Variants in GABPB1 observed in about 807,000 individuals in gnomAD.
GABPB1 encodes GA-binding protein subunit beta-1.
GABPB1 carries 15 observed loss-of-function variants against 45.9 expected under a neutral mutation model. That is an observed-to-expected ratio of 0.33 (90% CI 0.22 to 0.50). The LOEUF is 0.50. GABPB1 is among the 20% of genes least tolerant of loss of function. The probability of loss-of-function intolerance (pLI) is 0.98; values close to 1 mark genes in which losing one functional copy is unlikely to be tolerated. For missense variants in GABPB1, 252 were observed against 457.5 expected (o/e 0.55, Z 4.10); for synonymous variants, 143 against 154.4 (o/e 0.93, Z 0.55).
Position 50,286,169 on chromosome 15 carries a change from C to T in GABPB1, c.898G>A (p.Ala300Thr). The T allele has an allele frequency of 1.3e-6, 2 of 1,583,690 alleles. No individual in the cohort carries two copies. The highest frequency in any genetic ancestry group is 1.2e-5 in the South Asian group (1 of 86,294). ...PDGQQVLTVP[A>T]TDIAEETVIS... ...ACAGTTTCTTCAGCAATGTCTGTTGCTGGTACTGTTAATACTAAAATGAAA... is the reference window on the plus strand; with the variant it reads ...ACAGTTTCTTCAGCAATGTCTGTTGTTGGTACTGTTAATACTAAAATGAAA... Residue 300 changes from alanine (A) to threonine (T), a missense_variant, in exon 8 of 9, where the codon GCA becomes ACA. Around this residue, in one of 4 missense-constraint regions of GABPB1, gnomAD observed 193 missense variants for 259.9 expected, o/e 0.74. Transcript: ENST00000380877.
rs954545518 is a variant in GABPB1 at position 50,340,183 on chromosome 15, T to C, written c.-1+14802A>G. On this transcript the variant is annotated intron_variant, in intron 1 of 8. Transcript: ENST00000380877. ...GTGGCTCCATCTATAAAGCAGGAAA[T>C]GGGCCCTCACCAGCCATGGAATCTG... Among the ~76,000 whole-genome samples the C allele has an allele frequency of 3.9e-5, 6 of 152,144 alleles. No homozygotes were observed. The East Asian group carries it at 7.7e-4, about 20-fold the overall frequency.
chr15:50,296,819 G>T (rs1367778127), intron 6 of GABPB1, among the ~76,000 whole-genome samples: 1 of 151,960 alleles, frequency 6.6e-6, no homozygotes, highest in African/African-American at 2.4e-5. Flanking sequence ...AATAATCTGT[G>T]GTAGATTTAG....
chr15:50,305,115 T>C (rs988345414), intron 2 of GABPB1, among the ~76,000 whole-genome samples: 1 of 152,190 alleles, frequency 6.6e-6, no homozygotes, highest in Non-Finnish European at 1.5e-5. Context: ...TTCTATCACA[T>C]GCATTTAAAG....
rs1306862235 is a variant in GABPB1, at chr15:50,352,936, CAG to C, written c.-1+2047_-1+2048del. On this transcript the variant is annotated intron_variant, in intron 1 of 8. Coordinates refer to ENST00000380877, the MANE Select transcript of GABPB1 (RefSeq NM_016654.5). The stretch of plus-strand genomic sequence containing the variant: ...CCAACCTAGAAAACCCAGAATGATT[CAG>C]AGAGACAAAGAACTCTAAGGATATG... 20 of 152,154 alleles carry C rather than the reference CAG, an allele frequency of 1.3e-4. 1 individual carries two copies. Among genetic ancestry groups the C allele is most frequent in the Admixed American group, 7.8e-4 (12 of 15,288 alleles). 9.4% of individuals were successfully genotyped at this position (152,154 alleles called of 1,614,324 possible).
rs1247505301 is a variant in GABPB1, at chr15:50,282,285, A to T, written c.1000-3501T>A. 3 of 455,076 alleles carry T rather than the reference A, an allele frequency of 6.6e-6. No homozygotes were observed. The East Asian group carries it at 2.1e-4, about 32-fold the overall frequency. The allele number at this position is 455,076 out of a possible 1,614,324, so 28.2% of individuals were successfully genotyped here. A position where few individuals can be genotyped will look rare whatever the true frequency, so the allele number is the denominator to read the frequency against. ...GAGAGAGAAGAGATATGACCTGGATATGGTGACTTATGCCAGTAATCTCAA... is the reference window on the plus strand; with the variant it reads ...GAGAGAGAAGAGATATGACCTGGATTTGGTGACTTATGCCAGTAATCTCAA... On this transcript the variant is annotated intron_variant, in intron 8 of 8. Transcript: ENST00000380877.
chr15:50,289,362 TACC>T (rs1269436564), intron 7 of GABPB1, 118 bp downstream of exon 7: 5 of 647,794 alleles, frequency 7.7e-6, no homozygotes, highest in Non-Finnish European at 1.3e-5. Flanking sequence ...TTGGAACACA[TACC>T]ACAATTTCCT....
Position 50,312,517 on chromosome 15 carries a change from A to G in GABPB1, c.1-2719T>C, listed in dbSNP as rs1313421979. Among the ~76,000 whole-genome samples the G allele has an allele frequency of 3.3e-5, 5 of 152,316 alleles. No individual in the cohort carries two copies. The East Asian group carries it at 9.6e-4, about 29-fold the overall frequency. On this transcript the variant is annotated intron_variant, in intron 1 of 8. Coordinates refer to ENST00000380877, the MANE Select transcript of GABPB1 (RefSeq NM_016654.5). ...AGATAATATGTAACTGCTGGACAGT[A>G]AAAATTAACATCATATTCAACAGGG... is the stretch of plus-strand genomic sequence containing the variant.
At chr15:50,294,685 T>A (rs1246582251) in intron 6 of GABPB1, among the ~76,000 whole-genome samples, 1 of 152,126 alleles carries the variant, frequency 6.6e-6, no homozygotes. Context: ...AATTGAGTTG[T>A]ATCACCCTAT....
intron 1 of GABPB1, among the ~76,000 whole-genome samples, chr15:50,317,905 T>C (rs2141080527): frequency 1.0e-5 from 1 of 100,084 alleles, no homozygotes; most frequent in Non-Finnish European, 2.2e-5. Context: ...CAAGACTCCG[T>C]ATCAAAAAAA....
At chr15:50,349,300 A>G (rs1175140098) in intron 1 of GABPB1, 1 of 152,196 alleles carries the variant, frequency 6.6e-6, no homozygotes, top group Non-Finnish European at 1.5e-5. Flanking sequence ...ATAACCTATT[A>G]GACCCTAAGA....
chr15:50,347,417 AT>A (rs1407387915), intron 1 of GABPB1: 1 of 152,058 alleles, frequency 6.6e-6, no homozygotes, highest in Non-Finnish European at 1.5e-5. Context: ...ATTATTAAAA[AT>A]AATAATAAAT....
rs1386635429 is a variant in GABPB1 at position 50,278,048 on chromosome 15, A to T, written c.*584T>A. 2.0e-5 allele frequency: 3 copies of T among 152,654 alleles called. No homozygotes were observed. Among genetic ancestry groups the T allele is most frequent in the Non-Finnish European group, 4.4e-5 (3 of 68,042 alleles). The allele number at this position is 152,654 out of a possible 1,614,324, so 9.5% of individuals were successfully genotyped here. ...AGAATATGTACAAACAGAAATTTTT[A>T]AAAATATTTGCTTCATATACATGTA... On this transcript the variant is annotated 3_prime_UTR_variant, in exon 9 of 9. Transcript: ENST00000380877.
intron 6 of GABPB1, among the ~76,000 whole-genome samples, chr15:50,291,917 CAA>C (rs1369368939): frequency 3.8e-4 from 32 of 83,402 alleles, no homozygotes; most frequent in Middle Eastern, 7.4e-3. Flanking sequence ...GACTCTGTCT[CAA>C]AAAAAAAAAA....
At chr15:50,305,211 A>G (rs11631985) in intron 2 of GABPB1, among the ~76,000 whole-genome samples, 71,592 of 152,042 alleles carry the variant, frequency 0.47, 18,291 homozygotes, top group Middle Eastern at 0.65. Context: ...AAATTTACAC[A>G]TATAAACAGT....
chr15:50,325,605 C>T (rs935790142), intron 1 of GABPB1, among the ~76,000 whole-genome samples: 1 of 151,960 alleles, frequency 6.6e-6, no homozygotes, highest in East Asian at 1.9e-4. Context: ...GATCTTGGCT[C>T]ACTGCAAGCT....
At chr15:50,281,634 G>T (rs987010719) in intron 8 of GABPB1, among the ~76,000 whole-genome samples, 1 of 152,186 alleles carries the variant, frequency 6.6e-6, no homozygotes, top group African/African-American at 2.4e-5. Flanking sequence ...TATAAATAAA[G>T]TTTTATTGAA....
chr15:50,344,702 G>A (rs951060502), intron 1 of GABPB1, among the ~76,000 whole-genome samples: 6 of 152,116 alleles, frequency 3.9e-5, no homozygotes, highest in Admixed American at 6.5e-5. Context: ...GCCAGGCATG[G>A]TGGTGCACGC....
chr15:50,287,418 T>A (rs1315500931), intron 7 of GABPB1, among the ~76,000 whole-genome samples: 3 of 152,194 alleles, frequency 2.0e-5, no homozygotes, highest in Non-Finnish European at 4.4e-5. Context: ...TACCTCAAAG[T>A]GTGACTCTAT....
At position 50,276,611 on chromosome 15, in the gene GABPB1, A is replaced by C. The variant is rs2045841562; in HGVS notation, c.*2021T>G. ...GGTAAAGTCTCCAGCAGGAGAGGAG[A>C]CTGGAAGTCAAAGACGACATTAAGT... On this transcript the variant is annotated 3_prime_UTR_variant, in exon 9 of 9. Coordinates refer to ENST00000380877, the MANE Select transcript of GABPB1 (RefSeq NM_016654.5). 6.6e-6 allele frequency: 1 copy of C among 152,234 alleles called. No homozygotes were observed. The highest frequency in any genetic ancestry group is 6.5e-5 in the Admixed American group (1 of 15,288). 9.4% of individuals were successfully genotyped at this position (152,234 alleles called of 1,614,324 possible).
Sources: allele counts gnomAD v4.1 joint callset (sites outside exome capture counted in the v4.1 genomes callset), GRCh38; gene constraint gnomAD v4.1.1; regional missense constraint gnomAD v4.1.1; transcripts MANE v1.5; gene names NCBI Gene and HGNC (gene_info 2026-07-23, HGNC 2026-07-21).